The following VEPH1 variants were observed in gnomAD, a reference collection of about 807,000 sequenced individuals.
The protein encoded by VEPH1 is ventricular zone expressed PH domain containing 1.
Under a neutral mutation model 85.2 loss-of-function variants are expected in VEPH1, and 80 were observed. The ratio of observed to expected loss-of-function variants is 0.94; its 90% confidence interval spans 0.78 to 1.13. The LOEUF (loss-of-function observed/expected upper bound fraction) is 1.13, where lower values mean the gene tolerates loss of function less well. Among genes scored for constraint, VEPH1 ranks in the 50% most tolerant of loss-of-function variants. The probability of loss-of-function intolerance (pLI) is 0.00; values close to 1 mark genes in which losing one functional copy is unlikely to be tolerated. For missense variants in VEPH1, 955 were observed against 980.5 expected (o/e 0.97, Z 0.35); for synonymous variants, 297 against 348.0 (o/e 0.85, Z 1.63).
intron 6 of VEPH1, among the ~76,000 whole-genome samples, chr3:157,407,524 AAGAAAAATTGTGT>A (rs1731235663): frequency 6.6e-6 from 1 of 152,214 alleles, no homozygotes; most frequent in South Asian, 2.1e-4. Context: ...TTTCCTAAAA[AAGAAAAATTGTGT>A]AGCCAGCTAT....
chr3:157,444,781 T>C (rs1292184488), intron 4 of VEPH1, among the ~76,000 whole-genome samples: 2 of 152,228 alleles, frequency 1.3e-5, no homozygotes, highest in African/African-American at 4.8e-5. Flanking sequence ...AAACTTTTAA[T>C]TTTTTTAAGT....
chr3:157,471,208 A>G (rs541692885), intron 2 of VEPH1, among the ~76,000 whole-genome samples: 4 of 152,336 alleles, frequency 2.6e-5, no homozygotes, highest in African/African-American at 9.6e-5. Context: ...ATAGAGCAGG[A>G]AAGTATTTAG....
At chr3:157,349,227 T>C (rs971355366) in intron 9 of VEPH1, among the ~76,000 whole-genome samples, 14 of 152,198 alleles carry the variant, frequency 9.2e-5, no homozygotes, top group African/African-American at 3.4e-4. Flanking sequence ...AATGGTTCAA[T>C]ATATGCAAAT....
intron 4 of VEPH1, among the ~76,000 whole-genome samples, chr3:157,453,985 A>T (rs1735170626): frequency 6.6e-6 from 1 of 152,176 alleles, no homozygotes; most frequent in South Asian, 2.1e-4. Context: ...TGTTTCAAAG[A>T]TTTCATTGTC....
rs1032722771 is a variant in VEPH1 at position 157,489,944 on chromosome 3, G to C, written c.138+5268C>G. On this transcript the variant is annotated intron_variant, in intron 2 of 13. Transcript: ENST00000362010. The stretch of plus-strand genomic sequence containing the variant: ...AATTGGAAAATATAATTTTAAAAAA[G>C]AATATTATTATATTCTCAGAAAAAA... Among the ~76,000 whole-genome samples the C allele has an allele frequency of 2.6e-5, 4 of 151,532 alleles. No individual in the cohort carries two copies. The South Asian group carries it at 6.2e-4, about 24-fold the overall frequency.
chr3:157,272,484 G>T (rs1323191057), intron 12 of VEPH1, among the ~76,000 whole-genome samples: 1 of 123,306 alleles, frequency 8.1e-6, no homozygotes, highest in African/African-American at 3.2e-5. Flanking sequence ...TTTTTTCAGG[G>T]TCTCACTCTG....
At chr3:157,452,735 C>T (rs1456103) in intron 4 of VEPH1, among the ~76,000 whole-genome samples, 122,018 of 152,248 alleles carry the variant, frequency 0.8, 49,722 homozygotes, top group African/African-American at 0.94. Context: ...TAAGATTACA[C>T]TGTGAAAGTA....
rs373814935 is a variant in VEPH1 at position 157,287,862 on chromosome 3, G to A, written c.2011-1188C>T. ...TTGCAGGCATGAGCCACCGTGCATG[G>A]CCTGCATTGGTTTTAATGGAAAATA... On this transcript the variant is annotated intron_variant, in intron 11 of 13. Transcript: ENST00000362010. Among the ~76,000 whole-genome samples, 91 of 152,282 alleles carry A rather than the reference G, an allele frequency of 6.0e-4. 1 individual carries two copies. In the South Asian group the frequency reaches 0.014, roughly 23 times the overall value.
chr3:157,447,654 G>A (rs1368785230), intron 4 of VEPH1, among the ~76,000 whole-genome samples: 2 of 150,852 alleles, frequency 1.3e-5, no homozygotes, highest in African/African-American at 4.9e-5. Context: ...GAGTGGAGTG[G>A]CATGATCTCG....
chr3:157,265,675 G>A lies in VEPH1; in HGVS notation c.2129-13C>T, dbSNP rs755601985. The A allele has an allele frequency of 1.2e-6, 2 of 1,612,166 alleles. No homozygotes were observed. The highest frequency in any genetic ancestry group is 1.1e-5 in the South Asian group (1 of 90,838). On this transcript the variant is annotated splice_polypyrimidine_tract_variant and intron_variant, in intron 12 of 13. Transcript: ENST00000362010. ...TCTTGATTTACAACTGTTGAAGGTA[G>A]CAGAATAATCATGCCATGTATTTTC...
At chr3:157,474,402 T>C (rs1737252644) in intron 2 of VEPH1, among the ~76,000 whole-genome samples, 1 of 152,226 alleles carries the variant, frequency 6.6e-6, no homozygotes, top group Non-Finnish European at 1.5e-5. Context: ...CTGTTCCTTT[T>C]GGTTTACATT....
intron 4 of VEPH1, among the ~76,000 whole-genome samples, chr3:157,449,247 A>C (rs1222459311): frequency 6.6e-6 from 1 of 152,242 alleles, no homozygotes; most frequent in Non-Finnish European, 1.5e-5. Flanking sequence ...GTTTAGTATT[A>C]ATAGATACCT....
At chr3:157,466,930 A>C (rs1449087378) in intron 3 of VEPH1, among the ~76,000 whole-genome samples, 1 of 152,232 alleles carries the variant, frequency 6.6e-6, no homozygotes, top group Non-Finnish European at 1.5e-5. Flanking sequence ...CTCAATACAA[A>C]ATCAGTAGAA....
At chr3:157,441,395 T>C (rs537853055) in intron 4 of VEPH1, among the ~76,000 whole-genome samples, 1 of 152,266 alleles carries the variant, frequency 6.6e-6, no homozygotes, top group African/African-American at 2.4e-5. Context: ...GAACAGTATC[T>C]GATACATAGT....
At position 157,460,340 on chromosome 3, in the gene VEPH1, G is replaced by C; in HGVS notation, c.370C>G (p.Pro124Ala). The part of the protein sequence containing the change: ...SCILQNYNRP[P>A]VMALAIPIAV... Reference sequence around the variant, plus strand: ...ATGGGGATGGCTAATGCCATCACTGGGGGTCGGTTGTAATTCTGAGGAAAT... The same window carrying C: ...ATGGGGATGGCTAATGCCATCACTGCGGGTCGGTTGTAATTCTGAGGAAAT... The change falls in exon 4 of 14, where the codon CCA (proline) becomes GCA (alanine). Residue 124 changes from proline to alanine, a missense_variant. Coordinates refer to ENST00000362010, the MANE Select transcript of VEPH1 (RefSeq NM_001167912.2). The C allele has an allele frequency of 6.2e-7, 1 of 1,612,526 alleles. No homozygotes were observed. Among genetic ancestry groups the C allele is most frequent in the Non-Finnish European group, 8.5e-7 (1 of 1,178,796 alleles).
intron 9 of VEPH1, among the ~76,000 whole-genome samples, chr3:157,320,237 A>G (rs1721213320): frequency 6.6e-6 from 1 of 152,164 alleles, no homozygotes; most frequent in Non-Finnish European, 1.5e-5. Context: ...CAATGGTTAT[A>G]AGTTGTTTTA....
chr3:157,334,651 T>C lies in VEPH1; in HGVS notation c.1736-17450A>G, dbSNP rs1387983220. 2.0e-5 allele frequency among the ~76,000 whole-genome samples: 3 copies of C among 152,132 alleles called. No homozygotes were observed. In the East Asian group the frequency reaches 5.8e-4, roughly 29 times the overall value. On this transcript the variant is annotated intron_variant, in intron 9 of 13. Transcript: ENST00000362010. ...ATAAAAAGATTCAGAGTTTTACAGCTTAAAAAAGAGATGTCAGAAGTATAT... is the reference window on the plus strand; with the variant it reads ...ATAAAAAGATTCAGAGTTTTACAGCCTAAAAAAGAGATGTCAGAAGTATAT...
At chr3:157,312,688 T>A (rs1001520914) in intron 11 of VEPH1, among the ~76,000 whole-genome samples, 2 of 152,204 alleles carry the variant, frequency 1.3e-5, no homozygotes, top group African/African-American at 4.8e-5. Flanking sequence ...TTGATTTGAC[T>A]TTCTTAATAG....
intron 5 of VEPH1, among the ~76,000 whole-genome samples, chr3:157,414,593 A>G (rs189509888): frequency 1.5e-3 from 223 of 152,344 alleles, no homozygotes; most frequent in Non-Finnish European, 2.6e-3. Context: ...GATCACAAAA[A>G]TGTAATAATA....
Sources: allele counts gnomAD v4.1 joint callset (sites outside exome capture counted in the v4.1 genomes callset), GRCh38; gene constraint gnomAD v4.1.1; transcripts MANE v1.5; gene names NCBI Gene and HGNC (gene_info 2026-07-23, HGNC 2026-07-21).